Variants in DENND5B observed in about 807,000 individuals in gnomAD.
DENND5B encodes DENN domain containing 5B.
Under a neutral mutation model 140.6 loss-of-function variants are expected in DENND5B, and 34 were observed. The ratio of observed to expected loss-of-function variants is 0.24; its 90% CI spans 0.18 to 0.32. The LOEUF is 0.32. Among genes scored for constraint, DENND5B ranks in the 10% least tolerant of loss-of-function variants. DENND5B has a pLI of 1.00. For missense variants in DENND5B, 1,142 were observed against 1,560.2 expected (o/e 0.73, Z 4.52); for synonymous variants, 551 against 562.1 (o/e 0.98, Z 0.28).
intron 4 of DENND5B, among the ~76,000 whole-genome samples, chr12:31,458,734 T>C (rs1944888130): frequency 6.6e-6 from 1 of 151,806 alleles, no homozygotes; most frequent in African/African-American, 2.4e-5. Context: ...AATGAGAATC[T>C]CTATGGGAAA....
chr12:31,411,582 A>T (rs890165725), intron 13 of DENND5B, among the ~76,000 whole-genome samples: 2 of 151,882 alleles, frequency 1.3e-5, no homozygotes, highest in African/African-American at 4.8e-5. Flanking sequence ...TGACCTCATG[A>T]TCTGCCTGCC....
chr12:31,494,993 C>A (rs995697454), intron 2 of DENND5B, among the ~76,000 whole-genome samples: 4 of 152,104 alleles, frequency 2.6e-5, no homozygotes, highest in African/African-American at 9.7e-5. Flanking sequence ...GTTCCAGACA[C>A]CAAGAAGCTG....
intron 1 of DENND5B, among the ~76,000 whole-genome samples, chr12:31,557,269 A>G (rs369306462): frequency 5.3e-5 from 8 of 152,236 alleles, no homozygotes; most frequent in African/African-American, 1.2e-4. Context: ...AGTTATCTCT[A>G]AACAGTTGAG....
At position 31,392,552 on chromosome 12, in the gene DENND5B, G is replaced by C. The variant is rs918378280; in HGVS notation, c.3339+62C>G. 7.2e-6 allele frequency: 11 copies of C among 1,526,016 alleles called. No individual in the cohort carries two copies. In the African/African-American group the frequency reaches 1.5e-4, roughly 21 times the overall value. 94.5% of individuals were successfully genotyped at this position (1,526,016 alleles called of 1,614,324 possible). ...ATTCAAGCACCCCATATTGCCTCGT[G>C]TATCACATATAAAAGCATCTTTAAA... On this transcript the variant is annotated intron_variant, in intron 18 of 20. Coordinates refer to ENST00000389082, the MANE Select transcript of DENND5B (RefSeq NM_144973.4).
chr12:31,477,099 G>T (rs1219603883), intron 3 of DENND5B, among the ~76,000 whole-genome samples: 2 of 151,688 alleles, frequency 1.3e-5, no homozygotes, highest in Non-Finnish European at 2.9e-5. Context: ...GTGGTGGTGC[G>T]CACCCATAGT....
intron 1 of DENND5B, among the ~76,000 whole-genome samples, chr12:31,559,971 G>A (rs2139319398): frequency 6.6e-6 from 1 of 152,198 alleles, no homozygotes; most frequent in East Asian, 1.9e-4. Flanking sequence ...CTAAAATGTT[G>A]TAAATGTGCT....
At chr12:31,505,239 CT>C (rs200931111) in intron 1 of DENND5B, among the ~76,000 whole-genome samples, 46,866 of 128,702 alleles carry the variant, frequency 0.36, 6,092 homozygotes, top group East Asian at 0.49. Context: ...CAGAATTTGC[CT>C]TTTTTTTTTT....
chr12:31,532,503 T>A (rs972954627), intron 1 of DENND5B, among the ~76,000 whole-genome samples: 3 of 152,124 alleles, frequency 2.0e-5, no homozygotes, highest in Non-Finnish European at 2.9e-5. Context: ...TCTAAAAAGA[T>A]CATTCTGGCT....
chr12:31,549,113 T>C (rs192751410), intron 1 of DENND5B, among the ~76,000 whole-genome samples: 342 of 152,324 alleles, frequency 2.2e-3, no homozygotes, highest in Non-Finnish European at 2.8e-3. Flanking sequence ...TTGTACACGC[T>C]GTTTCTGAAT....
intron 1 of DENND5B, among the ~76,000 whole-genome samples, chr12:31,529,174 A>G (rs1220710583): frequency 2.6e-5 from 4 of 151,798 alleles, no homozygotes; most frequent in East Asian, 1.9e-4. Context: ...AAAAAAAAAA[A>G]AAAAGAAAAG....
At chr12:31,579,358 A>G (rs1240443667) in intron 1 of DENND5B, among the ~76,000 whole-genome samples, 1 of 152,110 alleles carries the variant, frequency 6.6e-6, no homozygotes, top group Non-Finnish European at 1.5e-5. Context: ...TCATCGCTGC[A>G]TTTTGTTTGA....
intron 1 of DENND5B, among the ~76,000 whole-genome samples, chr12:31,561,335 T>C (rs1363974931): frequency 2.0e-5 from 3 of 152,168 alleles, no homozygotes; most frequent in African/African-American, 4.8e-5. Context: ...TTCACAATAA[T>C]TTCCTAAGCC....
chr12:31,495,328 T>G (rs951145559), intron 2 of DENND5B, among the ~76,000 whole-genome samples: 1 of 152,174 alleles, frequency 6.6e-6, no homozygotes, highest in African/African-American at 2.4e-5. Context: ...AGTAACTTGC[T>G]TCTCTGAGCT....
intron 11 of DENND5B, among the ~76,000 whole-genome samples, chr12:31,422,615 T>A (rs1239631538): frequency 6.6e-6 from 1 of 152,150 alleles, no homozygotes; most frequent in Non-Finnish European, 1.5e-5. Flanking sequence ...CATTTCTGAA[T>A]GTCCAAAGTC....
chr12:31,487,693 C>T (rs558125449), intron 2 of DENND5B, among the ~76,000 whole-genome samples: 73 of 152,210 alleles, frequency 4.8e-4, no homozygotes, highest in Non-Finnish European at 8.4e-4. Context: ...CAGAGTGAGA[C>T]TGTCTCAAAA....
chr12:31,584,785 C>T (rs1281479438), intron 1 of DENND5B, among the ~76,000 whole-genome samples: 2 of 152,144 alleles, frequency 1.3e-5, no homozygotes, highest in Non-Finnish European at 2.9e-5. Context: ...CAACATTGCA[C>T]CACTGCACTC....
At chr12:31,427,233 T>C (rs769734998) in intron 8 of DENND5B, among the ~76,000 whole-genome samples, 7 of 152,108 alleles carry the variant, frequency 4.6e-5, no homozygotes, top group Non-Finnish European at 8.8e-5. Flanking sequence ...CTTTGGTTAG[T>C]GAATTTCTAT....
chr12:31,428,104 T>C (rs988197096), intron 8 of DENND5B, among the ~76,000 whole-genome samples: 1 of 152,114 alleles, frequency 6.6e-6, no homozygotes, highest in African/African-American at 2.4e-5. Flanking sequence ...AATTTTCTCT[T>C]ATTTCTTTGA....
intron 4 of DENND5B, among the ~76,000 whole-genome samples, chr12:31,456,221 T>C (rs1293823852): frequency 6.6e-6 from 1 of 151,212 alleles, no homozygotes; most frequent in Non-Finnish European, 1.5e-5. Flanking sequence ...TCCCAGCTAT[T>C]TGGGAAGTTG....
Sources: allele counts gnomAD v4.1 joint callset (sites outside exome capture counted in the v4.1 genomes callset), GRCh38; gene constraint gnomAD v4.1.1; transcripts MANE v1.5; gene names NCBI Gene and HGNC (gene_info 2026-07-23, HGNC 2026-07-21).